Variants in CNBD1 observed in about 807,000 individuals in gnomAD.
CNBD1 encodes cyclic nucleotide binding domain containing 1, also known as cyclic nucleotide-binding domain-containing protein 1.
In CNBD1, 71 loss-of-function variants were observed where a neutral mutation model predicts 54.4. The ratio of observed to expected loss-of-function variants is 1.30; its 90% CI spans 1.08 to 1.59. The LOEUF is 1.59. Ranked by LOEUF, CNBD1 falls within the 40% of genes most tolerant of loss-of-function variation. The pLI is 0.00. For synonymous variants in CNBD1, 182 were observed against 170.7 expected, an observed-to-expected ratio of 1.07 and a Z score of -0.51; for missense variants, 659 against 518.0, an observed-to-expected ratio of 1.27 and a Z score of -2.64.
chr8:87,003,653 G>A (rs971694209), intron 4 of CNBD1, among the ~76,000 whole-genome samples: 1 of 151,956 alleles, frequency 6.6e-6, no homozygotes, highest in Admixed American at 6.6e-5. Context: ...TTAACCTAGG[G>A]CATTGAGAAC....
chr8:87,137,661 G>A (rs113283738), intron 4 of CNBD1, among the ~76,000 whole-genome samples: 2,220 of 152,252 alleles, frequency 0.015, 44 homozygotes, highest in African/African-American at 0.05. Context: ...AATGTTAAAG[G>A]AGGAGCAGTG....
intron 2 of CNBD1, among the ~76,000 whole-genome samples, chr8:87,426,548 G>A (rs1013522448): frequency 1.3e-5 from 2 of 152,168 alleles, no homozygotes; most frequent in African/African-American, 4.8e-5. Context: ...AACTTATAAT[G>A]AGGTAATTAT....
chr8:87,405,180 A>T (rs934989335), intron 2 of CNBD1, among the ~76,000 whole-genome samples: 2 of 152,232 alleles, frequency 1.3e-5, no homozygotes, highest in African/African-American at 2.4e-5. Flanking sequence ...ACAAAAAAAT[A>T]AATTTAGGCT....
At chr8:87,137,082 T>C (rs1812263238) in intron 4 of CNBD1, among the ~76,000 whole-genome samples, 3 of 121,814 alleles carry the variant, frequency 2.5e-5, no homozygotes, top group African/African-American at 3.3e-5. Context: ...ATGTAAATTA[T>C]ATATATTTAT....
At chr8:87,225,088 G>T (rs1249125456) in intron 5 of CNBD1, among the ~76,000 whole-genome samples, 1 of 151,252 alleles carries the variant, frequency 6.6e-6, no homozygotes, top group East Asian at 1.9e-4. Flanking sequence ...TTTGCACATT[G>T]ATTTTGTATC....
chr8:87,279,574 C>A (rs550281229), intron 6 of CNBD1, among the ~76,000 whole-genome samples: 1 of 151,192 alleles, frequency 6.6e-6, no homozygotes, highest in Non-Finnish European at 1.5e-5. Context: ...AGTAGCTGTA[C>A]TATAGTAGGC....
At chr8:87,060,397 A>C (rs1033312829) in intron 4 of CNBD1, among the ~76,000 whole-genome samples, 1 of 152,234 alleles carries the variant, frequency 6.6e-6, no homozygotes, top group African/African-American at 2.4e-5. Flanking sequence ...GTATTGGTGC[A>C]TGGACAGGTA....
intron 4 of CNBD1, among the ~76,000 whole-genome samples, chr8:86,989,310 T>TACAC (rs1007288088): frequency 1.3e-5 from 2 of 150,480 alleles, no homozygotes; most frequent in African/African-American, 2.5e-5. Context: ...AATAAATACA[T>TACAC]ACATACATAC....
Position 87,351,346 on chromosome 8 carries a change from T to A in CNBD1, c.1043-339T>A, listed in dbSNP as rs200465276. ...ATCAGAAATTTCAAATGAGCCATGG[T>A]GGAAATATTTAGACCTTGGAACTCA... On this transcript the variant is annotated intron_variant, in intron 8 of 10. Coordinates refer to ENST00000518476, the MANE Select transcript of CNBD1 (RefSeq NM_173538.3). Among the ~76,000 whole-genome samples, 80 of 152,316 alleles carry A rather than the reference T, an allele frequency of 5.3e-4. 1 individual carries two copies. In the East Asian group the frequency reaches 0.011, roughly 21 times the overall value.
chr8:87,040,576 A>G (rs1810046273), intron 4 of CNBD1, among the ~76,000 whole-genome samples: 1 of 151,168 alleles, frequency 6.6e-6, no homozygotes, highest in South Asian at 2.1e-4. Flanking sequence ...GGTGCCTGCC[A>G]CCACGCCTGG....
intron 2 of CNBD1, among the ~76,000 whole-genome samples, chr8:87,416,366 G>T (rs1807833640): frequency 6.6e-6 from 1 of 152,060 alleles, no homozygotes; most frequent in African/African-American, 2.4e-5. Flanking sequence ...AAGGCTTGCA[G>T]GAATCTGGAG....
At chr8:87,279,379 A>G (rs1418038114) in intron 6 of CNBD1, among the ~76,000 whole-genome samples, 1 of 151,536 alleles carries the variant, frequency 6.6e-6, no homozygotes, top group Non-Finnish European at 1.5e-5. Context: ...AAAATAGCAA[A>G]TATTAAGATG....
chr8:87,059,494 TCA>T (rs747898395), intron 4 of CNBD1, among the ~76,000 whole-genome samples: 5 of 152,184 alleles, frequency 3.3e-5, no homozygotes, highest in Admixed American at 2.6e-4. Flanking sequence ...ATAACTTGAC[TCA>T]CAGTTCTGCA....
chr8:87,337,122 G>A (rs903543825), intron 8 of CNBD1, among the ~76,000 whole-genome samples: 4 of 152,096 alleles, frequency 2.6e-5, no homozygotes, highest in African/African-American at 7.2e-5. Context: ...GATACCAGTA[G>A]GAATGCTTCT....
chr8:87,425,970 G>A (rs1236352780), intron 2 of CNBD1, among the ~76,000 whole-genome samples: 5 of 152,222 alleles, frequency 3.3e-5, no homozygotes, highest in Non-Finnish European at 5.9e-5. Context: ...CAATCAGCGA[G>A]ACTCAGTGGG....
chr8:87,069,361 T>C (rs1416879294), intron 4 of CNBD1, among the ~76,000 whole-genome samples: 2 of 152,114 alleles, frequency 1.3e-5, no homozygotes, highest in South Asian at 2.1e-4. Flanking sequence ...TATATGATAG[T>C]TGTCCCATAA....
At chr8:87,029,311 A>G (rs1204914968) in intron 4 of CNBD1, among the ~76,000 whole-genome samples, 3 of 152,212 alleles carry the variant, frequency 2.0e-5, no homozygotes, top group African/African-American at 7.2e-5. Flanking sequence ...CAAGCAAACA[A>G]GTAAACAACA....
intron 4 of CNBD1, among the ~76,000 whole-genome samples, chr8:87,093,457 C>T (rs896408253): frequency 1.3e-5 from 2 of 152,076 alleles, no homozygotes; most frequent in African/African-American, 4.8e-5. Context: ...TCGTTCCTAC[C>T]CAGAGTACCT....
intron 10 of CNBD1, among the ~76,000 whole-genome samples, chr8:87,365,482 T>C (rs1036337189): frequency 1.3e-5 from 2 of 152,038 alleles, no homozygotes; most frequent in African/African-American, 4.8e-5. Context: ...CAGTAAAATG[T>C]TGAATATCAT....
Sources: allele counts gnomAD v4.1 joint callset (sites outside exome capture counted in the v4.1 genomes callset), GRCh38; gene constraint gnomAD v4.1.1; transcripts MANE v1.5; gene names NCBI Gene and HGNC (gene_info 2026-07-23, HGNC 2026-07-21).